ERBB4: variants seen among roughly 807,000 people sequenced by gnomAD.
The protein encoded by ERBB4 is erb-b2 receptor tyrosine kinase 4.
In ERBB4, 42 loss-of-function variants were observed where a neutral mutation model predicts 158.0. That is an observed-to-expected ratio of 0.27 (90% CI 0.21 to 0.34). The LOEUF is 0.34. Ranked by LOEUF, ERBB4 falls within the 10% of genes least tolerant of loss-of-function variation. The pLI is 1.00. For missense variants in ERBB4, 1,333 were observed against 1,624.1 expected (o/e 0.82, Z 3.08); for synonymous variants, 583 against 558.7 (o/e 1.04, Z -0.61).
chr2:211,841,698 T>C (rs916123565), intron 3 of ERBB4, among the ~76,000 whole-genome samples: 2 of 152,050 alleles, frequency 1.3e-5, no homozygotes, highest in African/African-American at 2.4e-5. Context: ...ATATGAGGCC[T>C]TCAAAAATAT....
At chr2:212,455,547 A>G (rs1490114841) in intron 1 of ERBB4, among the ~76,000 whole-genome samples, 2 of 132,114 alleles carry the variant, frequency 1.5e-5, no homozygotes, top group Admixed American at 1.4e-4. Context: ...TTGACACTCT[A>G]AATTCCTTCA....
intron 1 of ERBB4, among the ~76,000 whole-genome samples, chr2:212,420,820 A>G (rs1235981769): frequency 6.6e-6 from 1 of 152,132 alleles, no homozygotes; most frequent in African/African-American, 2.4e-5. Context: ...ACAAATGAAG[A>G]GCATTATGAG....
At chr2:212,004,416 C>T (rs916138729) in intron 2 of ERBB4, among the ~76,000 whole-genome samples, 1 of 152,166 alleles carries the variant, frequency 6.6e-6, no homozygotes, top group Non-Finnish European at 1.5e-5. Context: ...CCACATTAGA[C>T]ATCCCGATTC....
intron 1 of ERBB4, among the ~76,000 whole-genome samples, chr2:212,380,050 C>T (rs1239676238): frequency 6.6e-6 from 1 of 151,366 alleles, no homozygotes; most frequent in South Asian, 2.1e-4. Context: ...CTCTTTATAG[C>T]TGCCATCTAA....
chr2:212,055,197 T>C (rs1442555796), intron 2 of ERBB4, among the ~76,000 whole-genome samples: 1 of 152,144 alleles, frequency 6.6e-6, no homozygotes, highest in African/African-American at 2.4e-5. Flanking sequence ...GCCTCACTCA[T>C]TGCTAGCACA....
chr2:211,484,274 T>C (rs184836743), intron 20 of ERBB4, among the ~76,000 whole-genome samples: 4 of 151,928 alleles, frequency 2.6e-5, no homozygotes, highest in Admixed American at 6.5e-5. Flanking sequence ...AGAAAACAAA[T>C]AGCAAGATGG....
At chr2:211,605,764 T>C (rs1290621724) in intron 19 of ERBB4, among the ~76,000 whole-genome samples, 1 of 152,150 alleles carries the variant, frequency 6.6e-6, no homozygotes, top group East Asian at 1.9e-4. Context: ...TATATTTATA[T>C]AACACAGAAT....
At chr2:211,468,130 T>C (rs2064741621) in intron 20 of ERBB4, among the ~76,000 whole-genome samples, 1 of 152,170 alleles carries the variant, frequency 6.6e-6, no homozygotes. Context: ...ACCTTTAGTA[T>C]TCATGTAAAC....
At chr2:211,902,325 G>C (rs1005342297) in intron 3 of ERBB4, among the ~76,000 whole-genome samples, 1 of 151,826 alleles carries the variant, frequency 6.6e-6, no homozygotes, top group African/African-American at 2.4e-5. Flanking sequence ...TTTTCTAACA[G>C]TAAACACAGA....
chr2:212,013,499 A>G (rs150443805), intron 2 of ERBB4, among the ~76,000 whole-genome samples: 161 of 152,274 alleles, frequency 1.1e-3, no homozygotes, highest in African/African-American at 3.8e-3. Flanking sequence ...AATGAATGTG[A>G]CCTAATTTGG....
intron 1 of ERBB4, among the ~76,000 whole-genome samples, chr2:212,225,815 G>T: frequency 6.6e-6 from 1 of 151,790 alleles, no homozygotes; most frequent in East Asian, 1.9e-4. Context: ...CCCTATAACA[G>T]GCTGAATCCT....
intron 26 of ERBB4, among the ~76,000 whole-genome samples, chr2:211,387,628 C>T (rs1161521692): frequency 6.6e-6 from 1 of 151,254 alleles, no homozygotes; most frequent in Non-Finnish European, 1.5e-5. Flanking sequence ...AGGATCATCA[C>T]TATAATTCTG....
intron 1 of ERBB4, among the ~76,000 whole-genome samples, chr2:212,136,796 G>A (rs1461142501): frequency 6.6e-6 from 1 of 152,096 alleles, no homozygotes; most frequent in Admixed American, 6.6e-5. Context: ...TTAGACTTGG[G>A]GTGAGAAGAA....
chr2:211,879,710 T>A (rs1671985954), intron 3 of ERBB4, among the ~76,000 whole-genome samples: 2 of 152,154 alleles, frequency 1.3e-5, no homozygotes, highest in African/African-American at 4.8e-5. Context: ...GTAGTCATAC[T>A]TATAATAGTA....
At chr2:212,274,975 A>G (rs893839733) in intron 1 of ERBB4, among the ~76,000 whole-genome samples, 2 of 151,642 alleles carry the variant, frequency 1.3e-5, no homozygotes, top group Admixed American at 6.6e-5. Context: ...CCCTGTGTCC[A>G]TGTGTTCTCA....
At chr2:211,837,822 A>G (rs1211296302) in intron 3 of ERBB4, among the ~76,000 whole-genome samples, 1 of 152,144 alleles carries the variant, frequency 6.6e-6, no homozygotes, top group Non-Finnish European at 1.5e-5. Context: ...TGTTCCAGGT[A>G]TTATACAGGG....
chr2:212,310,639 GTGTGTA>G (rs1304742144), intron 1 of ERBB4, among the ~76,000 whole-genome samples: 79 of 137,160 alleles, frequency 5.8e-4, no homozygotes, highest in African/African-American at 1.3e-3. Context: ...GTGTGTGTGT[GTGTGTA>G]TATATATATA....
intron 1 of ERBB4, among the ~76,000 whole-genome samples, chr2:212,486,340 C>T (rs1238510046): frequency 6.6e-6 from 1 of 151,870 alleles, no homozygotes; most frequent in Non-Finnish European, 1.5e-5. Context: ...TTTATTAGAA[C>T]TAAAGTAAAA....
At chr2:211,624,868 C>T (rs1479381497) in intron 17 of ERBB4, among the ~76,000 whole-genome samples, 1 of 152,010 alleles carries the variant, frequency 6.6e-6, no homozygotes, top group African/African-American at 2.4e-5. Flanking sequence ...AGAAATATAG[C>T]AGAATACAAC....
Sources: gnomAD v4.1 joint callset for allele counts (sites outside exome capture counted in the v4.1 genomes callset) on GRCh38, gnomAD v4.1.1 for gene constraint, MANE v1.5 for transcripts, NCBI Gene and HGNC (gene_info 2026-07-23, HGNC 2026-07-21) for gene names.